The following ZC3H3 variants were observed in gnomAD, a reference collection of about 807,000 sequenced individuals.
ZC3H3 encodes the protein zinc finger CCCH domain-containing protein 3.
A neutral mutation model predicts 77.3 loss-of-function variants in ZC3H3; 36 were observed. The observed-to-expected ratio is 0.47, with a 90% CI of 0.36 to 0.61. The LOEUF is 0.61. Among genes scored for constraint, ZC3H3 ranks in the 20% least tolerant of loss-of-function variants. The pLI, the probability that ZC3H3 is intolerant of heterozygous loss-of-function variation, is 0.00. For missense variants in ZC3H3, 1,331 were observed against 1,312.2 expected, an observed-to-expected ratio of 1.01 and a Z score of -0.22; for synonymous variants, 626 against 555.2, an observed-to-expected ratio of 1.13 and a Z score of -1.79.
At chr8:143,512,179 C>T (rs1231955770) in intron 3 of ZC3H3, among the ~76,000 whole-genome samples, 1 of 152,240 alleles carries the variant, frequency 6.6e-6, no homozygotes, top group East Asian at 1.9e-4. Flanking sequence ...AGGTGCAGCC[C>T]CCGGGGCCAC....
intron 3 of ZC3H3, among the ~76,000 whole-genome samples, chr8:143,528,832 T>C (rs1822503865): frequency 6.6e-6 from 1 of 152,160 alleles, no homozygotes; most frequent in Admixed American, 6.5e-5. Flanking sequence ...TCCAGTCCTC[T>C]GGGAGGGGGG....
chr8:143,506,777 G>A (rs1821710094), intron 4 of ZC3H3, among the ~76,000 whole-genome samples: 1 of 152,206 alleles, frequency 6.6e-6, no homozygotes, highest in East Asian at 1.9e-4. Flanking sequence ...CCTGCCACGA[G>A]GCTCCAGAGC....
At chr8:143,442,447 G>T (rs1819771340) in intron 9 of ZC3H3, among the ~76,000 whole-genome samples, 1 of 124,920 alleles carries the variant, frequency 8.0e-6, no homozygotes, top group Non-Finnish European at 1.7e-5. Flanking sequence ...GGGGGGGGGG[G>T]CAGGGGCAGT....
intron 3 of ZC3H3, among the ~76,000 whole-genome samples, chr8:143,515,860 G>A (rs1271333737): frequency 2.0e-5 from 3 of 152,232 alleles, no homozygotes; most frequent in East Asian, 1.9e-4. Context: ...CTGTGCACCC[G>A]GACCACCATC....
At chr8:143,441,312 A>G (rs2129787274) in intron 9 of ZC3H3, among the ~76,000 whole-genome samples, 192 bp from the exon 10 acceptor site, 1 of 152,240 alleles carries the variant, frequency 6.6e-6, no homozygotes, top group East Asian at 1.9e-4. Context: ...CTGGGCCCTC[A>G]CCCACCCACA....
intron 4 of ZC3H3, among the ~76,000 whole-genome samples, chr8:143,477,094 C>A (rs778345343): frequency 2.6e-5 from 4 of 152,196 alleles, no homozygotes; most frequent in Non-Finnish European, 5.9e-5. Flanking sequence ...ATCCCCACCA[C>A]TCAGCCCTGC....
chr8:143,492,636 C>A (rs1283795977), intron 4 of ZC3H3, among the ~76,000 whole-genome samples: 1 of 152,224 alleles, frequency 6.6e-6, no homozygotes, highest in Non-Finnish European at 1.5e-5. Context: ...GGGCACCTGA[C>A]CACACGCACA....
rs1444187970 is a variant in ZC3H3, at chr8:143,538,660, G to C, written c.707C>G (p.Pro236Arg). ...GCCCAGGGCCACGCCAGTGCGTGGGGGCAGAGCGGAGGATGGGAAGCTCGC... is the reference window on the plus strand; with the variant it reads ...GCCCAGGGCCACGCCAGTGCGTGGGCGCAGAGCGGAGGATGGGAAGCTCGC... The part of the protein sequence containing the change: ...VKASFPSSAL[P>R]PRTGVALGRK... The change falls in exon 2 of 12, where the codon CCC becomes CGC. Residue 236 changes from proline (P) to arginine (R), a missense_variant. By Grantham distance (103) the Pro-to-Arg change is moderately radical. Around this residue, in one of 3 missense-constraint regions of ZC3H3, gnomAD observed 978 missense variants for 915.5 expected, o/e 1.07. Transcript: ENST00000262577. 6.2e-7 allele frequency: 1 copy of C among 1,608,458 alleles called. No individual in the cohort carries two copies.
rs4873802 is a variant in ZC3H3 at position 143,538,685 on chromosome 8, C to A, written c.682G>T (p.Ala228Ser). 301,777 of 1,607,642 alleles carry A rather than the reference C, an allele frequency of 0.19. 30,097 individuals are homozygous for A. Among genetic ancestry groups the A allele is most frequent in the Middle Eastern group, 0.25 (1,537 of 6,060 alleles). ...TVSESVIAVKASFPSSALPPR... is the reference protein window; with the variant it reads ...TVSESVIAVKSSFPSSALPPR... ...GGCAGAGCGGAGGATGGGAAGCTCG[C>A]CTTGACGGCAATCACACTCTCACTG... The change falls in exon 2 of 12, where the codon GCG (alanine) becomes TCG (serine). Residue 228 changes from alanine to serine, a missense_variant. Ala to Ser is a moderately conservative substitution (Grantham distance 99). Around this residue, in one of 3 missense-constraint regions of ZC3H3, gnomAD observed 978 missense variants for 915.5 expected, o/e 1.07. Coordinates refer to ENST00000262577, the MANE Select transcript of ZC3H3 (RefSeq NM_015117.3).
chr8:143,451,901 C>T (rs1172108596), intron 9 of ZC3H3, among the ~76,000 whole-genome samples: 1 of 152,204 alleles, frequency 6.6e-6, no homozygotes, highest in African/African-American at 2.4e-5. Context: ...TAAGTGCCAC[C>T]GTAACAAACC....
rs971206541 is a variant in ZC3H3, at chr8:143,494,976, A to T, written c.1715+12770T>A. Among the ~76,000 whole-genome samples the T allele has an allele frequency of 2.0e-5, 3 of 152,202 alleles. No homozygotes were observed. The highest frequency in any genetic ancestry group is 7.2e-5 in the African/African-American group (3 of 41,448). On this transcript the variant is annotated intron_variant, in intron 4 of 11. Coordinates refer to ENST00000262577, the MANE Select transcript of ZC3H3 (RefSeq NM_015117.3). The surrounding 1 kb of genome is among the most constrained non-coding windows in gnomAD (Gnocchi z 5.3). ...ACACACGTGAGAATGCAGATTAGAA[A>T]GGCGGTAACACCACGTCTGAGGGGA...
At chr8:143,459,429 A>G (rs561727110) in intron 9 of ZC3H3, among the ~76,000 whole-genome samples, 103 of 152,170 alleles carry the variant, frequency 6.8e-4, no homozygotes, top group African/African-American at 2.2e-3. Flanking sequence ...CGTGCCTGAA[A>G]TCCCAGCTAC....
rs1050944597 is a variant in ZC3H3, at chr8:143,437,890, G to A, written c.*166C>T. 29 of 933,100 alleles carry A rather than the reference G, an allele frequency of 3.1e-5. No individual in the cohort carries two copies. Among genetic ancestry groups the A allele is most frequent in the African/African-American group, 1.6e-4 (10 of 60,750 alleles). The allele number at this position is 933,100 out of a possible 1,614,324, so 57.8% of individuals were successfully genotyped here. A position where few individuals can be genotyped will look rare whatever the true frequency, so the allele number is the denominator to read the frequency against. On this transcript the variant is annotated 3_prime_UTR_variant, in exon 12 of 12. Coordinates refer to ENST00000262577, the MANE Select transcript of ZC3H3 (RefSeq NM_015117.3). ...GAGGAAGACCAGGCCCTGCGCACACGCTGGTCATGGAAGGTTGAGGGCCAG... is the reference window on the plus strand; with the variant it reads ...GAGGAAGACCAGGCCCTGCGCACACACTGGTCATGGAAGGTTGAGGGCCAG...
intron 3 of ZC3H3, among the ~76,000 whole-genome samples, chr8:143,509,394 T>C (rs1202061027): frequency 6.6e-6 from 1 of 152,216 alleles, no homozygotes; most frequent in Non-Finnish European, 1.5e-5. Context: ...GAGGAGAGCA[T>C]GGGCTGCCCG....
intron 9 of ZC3H3, among the ~76,000 whole-genome samples, chr8:143,461,409 TCAAA>T (rs1431991678): frequency 6.6e-6 from 1 of 151,952 alleles, no homozygotes; most frequent in African/African-American, 2.4e-5. Flanking sequence ...GGCAGGAGTG[TCAAA>T]CAGTGAAGCC....
intron 3 of ZC3H3, among the ~76,000 whole-genome samples, chr8:143,520,940 C>A (rs942069598): frequency 1.3e-5 from 2 of 152,222 alleles, no homozygotes; most frequent in African/African-American, 2.4e-5. Context: ...GTTTCTGGCC[C>A]GTATACCCAG....
intron 9 of ZC3H3, among the ~76,000 whole-genome samples, chr8:143,447,016 C>T (rs531488051): frequency 8.5e-5 from 13 of 152,252 alleles, no homozygotes; most frequent in Admixed American, 2.0e-4. Context: ...CCTGTGCTTG[C>T]GGAGCTGACA....
chr8:143,538,921 A>T lies in ZC3H3; in HGVS notation c.446T>A (p.Phe149Tyr), dbSNP rs3750206. Residue 149 changes from phenylalanine to tyrosine, a missense_variant, in exon 2 of 12, where the codon TTT (phenylalanine) becomes TAT (tyrosine). Physicochemically the swap from Phe to Tyr is conservative, Grantham distance 22. Coordinates refer to ENST00000262577, the MANE Select transcript of ZC3H3 (RefSeq NM_015117.3). ...SGAQRGSLEE[F>Y]EETPWSDQRP... ...TTGGTCACTCCAGGGGGTTTCCTCAAATTCTTCCAAAGAGCCCCGCTGGGC... is the reference window on the plus strand; with the variant it reads ...TTGGTCACTCCAGGGGGTTTCCTCATATTCTTCCAAAGAGCCCCGCTGGGC... The T allele has an allele frequency of 0.14, 223,046 of 1,612,728 alleles. 15,893 individuals are homozygous for T. Among genetic ancestry groups the T allele is most frequent in the South Asian group, 0.17 (15,659 of 91,068 alleles).
chr8:143,451,381 C>A (rs1459164458), intron 9 of ZC3H3, among the ~76,000 whole-genome samples: 2 of 151,994 alleles, frequency 1.3e-5, no homozygotes, highest in African/African-American at 4.8e-5. Context: ...AGTGAGAAAA[C>A]GCAAATTAAA....
Sources: allele counts gnomAD v4.1 joint callset (sites outside exome capture counted in the v4.1 genomes callset), GRCh38; gene constraint gnomAD v4.1.1; regional missense constraint gnomAD v4.1.1; non-coding constraint Gnocchi (gnomAD v3.1); transcripts MANE v1.5; gene names NCBI Gene and HGNC (gene_info 2026-07-23, HGNC 2026-07-21).